The following RP1 variants were observed in gnomAD, a reference collection of about 807,000 sequenced individuals.
RP1 encodes RP1 axonemal microtubule associated.
RP1 carries 16 observed loss-of-function variants against 14.8 expected under a neutral mutation model. That is an observed-to-expected ratio of 1.08 (90% CI 0.73 to 1.65). RP1 has a LOEUF of 1.65. RP1 is among the 40% of genes most tolerant of loss of function. RP1 has a pLI of 0.00. For missense variants in RP1, 2,631 were observed against 2,535.0 expected (o/e 1.04, Z -0.81); for synonymous variants, 876 against 883.6 (o/e 0.99, Z 0.15).
intron 1 of RP1, among the ~76,000 whole-genome samples, chr8:54,581,776 A>G (rs1228719253): frequency 1.3e-5 from 2 of 152,024 alleles, no homozygotes; most frequent in African/African-American, 2.4e-5. Context: ...GCATTTTTTC[A>G]TGTGTCTTTT....
chr8:54,790,136 G>T (rs182698188), intron 24 of RP1, among the ~76,000 whole-genome samples: 3 of 152,322 alleles, frequency 2.0e-5, no homozygotes, highest in East Asian at 1.9e-4. Context: ...GCTCCATCTT[G>T]CCAGGAGCCC....
chr8:54,618,065 A>C (rs192007547), intron 1 of RP1, among the ~76,000 whole-genome samples: 52 of 152,324 alleles, frequency 3.4e-4, no homozygotes, highest in Non-Finnish European at 5.9e-4. Flanking sequence ...ATTCTCTCAC[A>C]CATATGAAGA....
intron 15 of RP1, among the ~76,000 whole-genome samples, chr8:54,708,364 T>TG (rs1297016050): frequency 6.6e-6 from 1 of 151,420 alleles, no homozygotes; most frequent in African/African-American, 2.4e-5. Context: ...TTTTTTTTTT[T>TG]TTTCTTTTTT....
Position 54,857,115 on chromosome 8 carries a change from T to C in RP1, c.4069+9T>C, listed in dbSNP as rs1711640122. 1.4e-5 allele frequency: 17 copies of C among 1,197,562 alleles called. No individual in the cohort carries two copies. In the South Asian group the frequency reaches 5.5e-4, roughly 39 times the overall value. The allele number at this position is 1,197,562 out of a possible 1,614,324, so 74.2% of individuals were successfully genotyped here. ...TGATGGAACAGGTCCAGGTAAGATT[T>C]AGTTTCTTGGTAAGAAGTTTATTTT... On this transcript the variant is annotated intron_variant, in intron 27 of 28. Transcript: ENST00000637698.
intron 1 of RP1, among the ~76,000 whole-genome samples, chr8:54,596,989 C>T (rs1805163119): frequency 6.6e-6 from 1 of 152,148 alleles, no homozygotes; most frequent in Non-Finnish European, 1.5e-5. Context: ...TGTCCTCCCT[C>T]CAAATCATTT....
intron 1 of RP1, among the ~76,000 whole-genome samples, chr8:54,593,292 C>A (rs542691599): frequency 6.6e-6 from 1 of 152,124 alleles, no homozygotes; most frequent in African/African-American, 2.4e-5. Context: ...CATTATAGAA[C>A]CACCATTTTA....
At chr8:54,732,165 A>T (rs1692666522) in intron 17 of RP1, among the ~76,000 whole-genome samples, 1 of 152,146 alleles carries the variant, frequency 6.6e-6, no homozygotes, top group African/African-American at 2.4e-5. Context: ...CATGCTGGGA[A>T]TGCTGTCCCC....
chr8:54,832,669 T>C (rs903520799), intron 24 of RP1, among the ~76,000 whole-genome samples: 27 of 151,988 alleles, frequency 1.8e-4, no homozygotes, highest in African/African-American at 6.5e-4. Flanking sequence ...TCTAGTAATT[T>C]TGATTGCATA....
chr8:54,751,464 A>G (rs1242437576), intron 19 of RP1, among the ~76,000 whole-genome samples: 1 of 152,204 alleles, frequency 6.6e-6, no homozygotes, highest in African/African-American at 2.4e-5. Context: ...ACTCACCATT[A>G]CAAGACTGCT....
At chr8:54,742,596 T>G (rs1413187661) in intron 19 of RP1, among the ~76,000 whole-genome samples, 1 of 152,210 alleles carries the variant, frequency 6.6e-6, no homozygotes, top group African/African-American at 2.4e-5. Flanking sequence ...AGGAAACCAT[T>G]TGGTGACTTT....
intron 19 of RP1, among the ~76,000 whole-genome samples, chr8:54,741,566 A>G (rs1011933596): frequency 7.9e-5 from 12 of 151,646 alleles, no homozygotes; most frequent in Non-Finnish European, 8.8e-5. Context: ...AGTGCACTCT[A>G]TGATGTTTAC....
At chr8:54,818,998 G>A (rs1338767637) in intron 24 of RP1, among the ~76,000 whole-genome samples, 2 of 151,964 alleles carry the variant, frequency 1.3e-5, no homozygotes. Flanking sequence ...GAAGAGGAGG[G>A]GGAGGTGAAA....
intron 12 of RP1, among the ~76,000 whole-genome samples, chr8:54,698,539 T>C (rs1299805575): frequency 6.6e-6 from 1 of 152,182 alleles, no homozygotes; most frequent in East Asian, 1.9e-4. Context: ...CATTCCTGGG[T>C]ATATACCCAA....
chr8:54,682,597 T>C (rs1807461199), intron 12 of RP1, among the ~76,000 whole-genome samples: 1 of 152,158 alleles, frequency 6.6e-6, no homozygotes, highest in Non-Finnish European at 1.5e-5. Context: ...TGAGATGGTA[T>C]CTCATTGTGG....
chr8:54,654,286 A>C (rs1179038121), intron 5 of RP1, among the ~76,000 whole-genome samples: 1 of 152,250 alleles, frequency 6.6e-6, no homozygotes, highest in African/African-American at 2.4e-5. Context: ...ATTTGAACAG[A>C]ATCACTGATT....
At chr8:54,688,670 A>G (rs1016232680) in intron 12 of RP1, among the ~76,000 whole-genome samples, 1 of 152,090 alleles carries the variant, frequency 6.6e-6, no homozygotes, top group Non-Finnish European at 1.5e-5. Context: ...CCACTGGTCT[A>G]TATATCTGTT....
chr8:54,814,328 G>A (rs1489229671), intron 24 of RP1, among the ~76,000 whole-genome samples: 2 of 152,096 alleles, frequency 1.3e-5, no homozygotes, highest in South Asian at 2.1e-4. Context: ...GTGGATATCT[G>A]CAGAGAATGA....
chr8:54,577,528 G>A (rs1185657250), intron 1 of RP1, among the ~76,000 whole-genome samples: 1 of 151,894 alleles, frequency 6.6e-6, no homozygotes, highest in Non-Finnish European at 1.5e-5. Context: ...GAAATTTTGA[G>A]AATAGTGTAT....
chr8:54,838,053 G>A (rs1192158425), intron 25 of RP1, among the ~76,000 whole-genome samples: 4 of 152,234 alleles, frequency 2.6e-5, no homozygotes, highest in Non-Finnish European at 5.9e-5. Context: ...CGGGCCGCAA[G>A]TTGTTTGCCC....
Sources: gnomAD v4.1 joint callset for allele counts (sites outside exome capture counted in the v4.1 genomes callset) on GRCh38, gnomAD v4.1.1 for gene constraint, MANE v1.5 for transcripts, NCBI Gene and HGNC (gene_info 2026-07-23, HGNC 2026-07-21) for gene names.